GAGE1: variants seen among roughly 807,000 people sequenced by gnomAD.
GAGE1 encodes the protein G antigen 1.
In GAGE1, 5 loss-of-function variants were observed where a neutral mutation model predicts 5.0. The ratio of observed to expected loss-of-function variants is 1.00; its 90% CI spans 0.52 to 2.11. The LOEUF is 2.11. Among genes scored for constraint, GAGE1 ranks in the 30% most tolerant of loss-of-function variants. The probability of loss-of-function intolerance (pLI) is 0.01; values close to 1 mark genes in which losing one functional copy is unlikely to be tolerated. For missense variants in GAGE1, 9 were observed against 38.9 expected (o/e 0.23, Z 2.04); for synonymous variants, 6 against 14.8 (o/e 0.40, Z 1.37).
chrX:49,604,096 A>G (rs2066633996), intron 4 of GAGE1, among the ~76,000 whole-genome samples: 1 of 112,695 alleles, frequency 8.9e-6, no homozygotes, highest in African/African-American at 3.2e-5. Flanking sequence ...CAGGTGATCC[A>G]CCTGCCTCGA....
At position 49,607,425 on chromosome X, in the gene GAGE1, T is replaced by A. The variant is rs1282089079; in HGVS notation, c.*1410T>A. 2.7e-5 allele frequency: 3 copies of A among 112,005 alleles called. No individual in the cohort carries two copies. Among genetic ancestry groups the A allele is most frequent in the African/African-American group, 9.7e-5 (3 of 30,854 alleles). 9.2% of individuals were successfully genotyped at this position (112,005 alleles called of 1,213,427 possible). A position where few individuals can be genotyped will look rare whatever the true frequency, so the allele number is the denominator to read the frequency against. On this transcript the variant is annotated 3_prime_UTR_variant, in exon 5 of 5. Transcript: ENST00000381700. The stretch of plus-strand genomic sequence containing the variant: ...TGTTATCAAGGTTCCTCTAGCTTCA[T>A]AAAACGGGTTGGTATGTAAAACCTC...
At chrX:49,604,374 T>C (rs1166213070) in intron 4 of GAGE1, among the ~76,000 whole-genome samples, 1 of 112,408 alleles carries the variant, frequency 8.9e-6, no homozygotes, top group African/African-American at 3.2e-5. Flanking sequence ...AAAGGTCTGC[T>C]TTTAATCAAT....
intron 4 of GAGE1, among the ~76,000 whole-genome samples, chrX:49,604,323 A>C (rs1359533406): frequency 5.3e-5 from 6 of 112,378 alleles, no homozygotes; most frequent in African/African-American, 1.6e-4. Flanking sequence ...TTTGAGTATA[A>C]ATCCTCAAAC....
rs782814859 is a variant in GAGE1, at chrX:49,605,028, G to T, written c.332-965G>T. ...AGGTCTCACTATGTTGCCCAGACTG[G>T]GATTCTCTGGCTTTTAATGAACAAT... is the stretch of plus-strand genomic sequence containing the variant. On this transcript the variant is annotated intron_variant, in intron 4 of 4. Transcript: ENST00000381700. 23 of 1,017,573 alleles carry T rather than the reference G, an allele frequency of 2.3e-5. No individual in the cohort carries two copies. The Admixed American group carries it at 2.8e-4, about 12-fold the overall frequency. The allele number at this position is 1,017,573 out of a possible 1,213,427, so 83.9% of individuals were successfully genotyped here.
chrX:49,605,908 A>AACTAATAAT, intron 4 of GAGE1, 85 bp from the exon 5 acceptor site: 1 of 318,369 alleles, frequency 3.1e-6, no homozygotes, highest in Non-Finnish European at 4.7e-6. Context: ...ACTCCATCTA[A>AACTAATAAT]AATAATAATA....
chrX:49,602,618 G>A (rs1207673329), intron 3 of GAGE1, among the ~76,000 whole-genome samples: 6 of 86,140 alleles, frequency 7.0e-5, no homozygotes, highest in Admixed American at 6.3e-4. Context: ...ATGCTGAATT[G>A]TTTCGATAAA....
intron 3 of GAGE1, among the ~76,000 whole-genome samples, chrX:49,602,065 A>T (rs1390731625): frequency 2.8e-5 from 3 of 108,820 alleles, no homozygotes; most frequent in African/African-American, 1.0e-4. Flanking sequence ...AGTCCCAGCT[A>T]CTTGGGAGGC....
At chrX:49,605,007 C>T in intron 4 of GAGE1, 1 of 994,684 alleles carries the variant, frequency 1.0e-6, no homozygotes, top group Non-Finnish European at 1.3e-6. Context: ...GAGATGAGGT[C>T]TCACTATGTT....
chrX:49,605,043 T>C (rs782775586), intron 4 of GAGE1: 3 of 1,023,321 alleles, frequency 2.9e-6, no homozygotes, highest in Non-Finnish European at 3.9e-6. Flanking sequence ...CTCTGGCTTT[T>C]AATGAACAAT....
rs1339772007 is a variant in GAGE1 at position 49,602,373 on chromosome X, T to G, written c.206-1295T>G. 7.1e-4 allele frequency among the ~76,000 whole-genome samples: 56 copies of G among 79,184 alleles called. 6 individuals are homozygous for G. The highest frequency in any genetic ancestry group is 6.2e-3 in the Admixed American group (47 of 7,537). 68.8% of individuals were successfully genotyped at this position (79,184 alleles called of 115,157 possible). On this transcript the variant is annotated intron_variant, in intron 3 of 4. Transcript: ENST00000381700. The stretch of plus-strand genomic sequence containing the variant: ...AAATTCCTTTCTTCCTAAAGTTCAG[T>G]GCAGTTATCATATATTCTTTTAAAT...
intron 3 of GAGE1, among the ~76,000 whole-genome samples, chrX:49,602,485 C>T (rs1473701726): frequency 1.3e-5 from 1 of 75,220 alleles, no homozygotes; most frequent in African/African-American, 3.5e-5. Context: ...CATCTGGATT[C>T]ACCAATTGTT....
rs1264367796 is a variant in GAGE1 at position 49,604,022 on chromosome X, G to T, written c.331+229G>T. Among the ~76,000 whole-genome samples the T allele has an allele frequency of 5.3e-5, 6 of 112,678 alleles. No homozygotes were observed. In the East Asian group the frequency reaches 1.4e-3, roughly 26 times the overall value. ...CGTGCTCCGCCGTGCCCAGCTAATT[G>T]TTGTATTTTTAGTAGAGACAGGGTT... On this transcript the variant is annotated intron_variant, in intron 4 of 4. Transcript: ENST00000381700.
chrX:49,604,411 C>T (rs180856028), intron 4 of GAGE1, among the ~76,000 whole-genome samples: 2 of 112,432 alleles, frequency 1.8e-5, no homozygotes, highest in African/African-American at 6.5e-5. Context: ...ACACCCATCA[C>T]TTGGTGTGAA....
In GAGE1 at chrX:49,607,860, T is replaced by C. The variant is rs1403568381; in HGVS notation, c.*1845T>C. The C allele has an allele frequency of 9.0e-6, 1 of 111,591 alleles. No individual in the cohort carries two copies. The highest frequency in any genetic ancestry group is 1.9e-5 in the Non-Finnish European group (1 of 53,188). 9.2% of individuals were successfully genotyped at this position (111,591 alleles called of 1,213,427 possible). A position where few individuals can be genotyped will look rare whatever the true frequency, so the allele number is the denominator to read the frequency against. ...ATAAAATTCCTATTTACTGGATGTG[T>C]ACTATCTATGAATTACTTCTTTGTG... On this transcript the variant is annotated 3_prime_UTR_variant, in exon 5 of 5. Coordinates refer to ENST00000381700, the MANE Select transcript of GAGE1 (RefSeq NM_001040663.4).
chrX:49,604,963 G>T (rs368674347), intron 4 of GAGE1: 2 of 733,247 alleles, frequency 2.7e-6, no homozygotes, highest in African/African-American at 2.2e-5. Context: ...ACAAGCCAAC[G>T]TACCTGAGTA....
intron 3 of GAGE1, among the ~76,000 whole-genome samples, chrX:49,602,181 A>G (rs1557130986): frequency 1.8e-5 from 2 of 113,169 alleles, no homozygotes. Flanking sequence ...ATACATAAAT[A>G]AATTCATTAA....
At chrX:49,604,864 G>T (rs1375767225) in intron 4 of GAGE1, 1 of 257,979 alleles carries the variant, frequency 3.9e-6, no homozygotes, top group Non-Finnish European at 7.3e-6. Flanking sequence ...GTGGAGTGCA[G>T]TGGTGTACTT....
At chrX:49,604,705 T>C (rs782411724) in intron 4 of GAGE1, among the ~76,000 whole-genome samples, 13 of 112,460 alleles carry the variant, frequency 1.2e-4, no homozygotes, top group East Asian at 5.6e-4. Flanking sequence ...ATTTCATTGT[T>C]AGTAAGAAAG....
intron 4 of GAGE1, among the ~76,000 whole-genome samples, chrX:49,605,390 ATG>A (rs1227253537): frequency 2.7e-5 from 3 of 112,407 alleles, no homozygotes; most frequent in Non-Finnish European, 5.6e-5. Context: ...TATTTCACAC[ATG>A]TGTTTTCCAA....
Sources: gnomAD v4.1 joint callset for allele counts (sites outside exome capture counted in the v4.1 genomes callset) on GRCh38, gnomAD v4.1.1 for gene constraint, MANE v1.5 for transcripts, NCBI Gene and HGNC (gene_info 2026-07-23, HGNC 2026-07-21) for gene names.